EBF1: variants seen among roughly 807,000 people sequenced by gnomAD.
The protein encoded by EBF1 is EBF transcription factor 1.
In EBF1, 10 loss-of-function variants were observed where a neutral mutation model predicts 68.4. The observed-to-expected ratio is 0.15, with a 90% CI of 0.09 to 0.25. The LOEUF (loss-of-function observed/expected upper bound fraction) is 0.25, where lower values mean the gene tolerates loss of function less well. Among genes scored for constraint, EBF1 ranks in the 10% least tolerant of loss-of-function variants. The probability of loss-of-function intolerance (pLI) is 1.00; values close to 1 mark genes in which losing one functional copy is unlikely to be tolerated. For synonymous variants in EBF1, 298 were observed against 299.8 expected (o/e 0.99, Z 0.06); for missense variants, 509 against 794.4 (o/e 0.64, Z 4.32).
At chr5:158,718,557 T>C (rs926506162) in intron 11 of EBF1, among the ~76,000 whole-genome samples, 1 of 152,124 alleles carries the variant, frequency 6.6e-6, no homozygotes, top group African/African-American at 2.4e-5. Context: ...CAAGAACTCA[T>C]TCAACCTTCA....
chr5:159,038,376 G>A (rs937070591), intron 6 of EBF1, among the ~76,000 whole-genome samples: 10 of 152,174 alleles, frequency 6.6e-5, no homozygotes, highest in African/African-American at 2.4e-4. Context: ...ACCAATGAAA[G>A]AGACTTTTTA....
Position 159,099,341 on chromosome 5 carries a change from C to A in EBF1, c.134+4G>T. 6.3e-7 allele frequency: 1 copy of A among 1,579,936 alleles called. No individual in the cohort carries two copies. ...CTCGGCCGCGGTCCCCGCGCAGTACCCACCTCTGCGCCGCCGTGTTGGCGT... is the reference window on the plus strand; with the variant it reads ...CTCGGCCGCGGTCCCCGCGCAGTACACACCTCTGCGCCGCCGTGTTGGCGT... On this transcript the variant is annotated splice_donor_region_variant and intron_variant, in intron 1 of 15. Transcript: ENST00000313708.
intron 6 of EBF1, among the ~76,000 whole-genome samples, chr5:158,919,316 C>T (rs1033593002): frequency 2.0e-5 from 3 of 151,322 alleles, no homozygotes; most frequent in South Asian, 2.1e-4. Flanking sequence ...GCTTGGGTAA[C>T]ATGTGGTCTA....
intron 8 of EBF1, among the ~76,000 whole-genome samples, chr5:158,805,960 T>C (rs957248656): frequency 1.3e-5 from 2 of 149,698 alleles, no homozygotes; most frequent in African/African-American, 5.0e-5. Context: ...AGGAGGCATG[T>C]TTTTTTTTGC....
At chr5:158,812,560 C>G (rs534800750) in intron 8 of EBF1, among the ~76,000 whole-genome samples, 1 of 152,148 alleles carries the variant, frequency 6.6e-6, no homozygotes, top group African/African-American at 2.4e-5. Context: ...AGAGCCACCC[C>G]CTTCCGGAGG....
At chr5:158,805,504 G>A (rs1015607658) in intron 8 of EBF1, among the ~76,000 whole-genome samples, 2 of 152,066 alleles carry the variant, frequency 1.3e-5, no homozygotes, top group African/African-American at 2.4e-5. Context: ...ACCAAATTCA[G>A]CAATAAAAAC....
intron 4 of EBF1, among the ~76,000 whole-genome samples, chr5:159,090,120 C>A (rs144998169): frequency 5.3e-5 from 8 of 152,086 alleles, no homozygotes; most frequent in African/African-American, 1.4e-4. Flanking sequence ...AAACTGTCAA[C>A]AAGCCTTTGG....
At chr5:158,864,223 CAAAAAAAAAAAAA>C (rs34498854) in intron 6 of EBF1, among the ~76,000 whole-genome samples, 5 of 58,562 alleles carry the variant, frequency 8.5e-5, no homozygotes, top group Admixed American at 4.5e-4. Context: ...GACTCTGTCT[CAAAAAAAAAAAAA>C]AAAAAAAAAA....
chr5:159,075,470 A>G (rs1276943067), intron 5 of EBF1, among the ~76,000 whole-genome samples: 2 of 152,170 alleles, frequency 1.3e-5, no homozygotes, highest in Non-Finnish European at 2.9e-5. Context: ...TAGGCAATGC[A>G]AGCTGCCCAC....
intron 6 of EBF1, among the ~76,000 whole-genome samples, chr5:158,872,533 A>G (rs1217032725): frequency 6.6e-6 from 1 of 152,162 alleles, no homozygotes; most frequent in Non-Finnish European, 1.5e-5. Flanking sequence ...TGGTGATAGA[A>G]TGGAAGGAAA....
chr5:158,894,968 T>C (rs907075243), intron 6 of EBF1, among the ~76,000 whole-genome samples: 1 of 152,200 alleles, frequency 6.6e-6, no homozygotes, highest in Admixed American at 6.5e-5. Context: ...ATATATACTG[T>C]ATATTATGTA....
chr5:158,908,391 G>T (rs776780463), intron 6 of EBF1, among the ~76,000 whole-genome samples: 3 of 152,186 alleles, frequency 2.0e-5, no homozygotes, highest in Non-Finnish European at 4.4e-5. Context: ...TGGCTGAGGG[G>T]TGTCAATAAG....
At chr5:158,996,305 C>G (rs1430066061) in intron 6 of EBF1, among the ~76,000 whole-genome samples, 2 of 152,182 alleles carry the variant, frequency 1.3e-5, no homozygotes, top group Non-Finnish European at 2.9e-5. Context: ...CATGTAATGT[C>G]TTAATATACT....
chr5:158,734,691 C>A (rs1764813240), intron 10 of EBF1, among the ~76,000 whole-genome samples: 1 of 152,008 alleles, frequency 6.6e-6, no homozygotes, highest in Non-Finnish European at 1.5e-5. Flanking sequence ...ATTTTTTTCC[C>A]CCTCAAACTT....
intron 10 of EBF1, among the ~76,000 whole-genome samples, chr5:158,734,355 C>T (rs1764730128): frequency 6.6e-6 from 1 of 152,044 alleles, no homozygotes. Context: ...AAAGTAATGA[C>T]ATAAGAAACT....
At chr5:158,829,538 T>G (rs941083798) in intron 7 of EBF1, among the ~76,000 whole-genome samples, 19 of 151,428 alleles carry the variant, frequency 1.3e-4, no homozygotes, top group African/African-American at 4.6e-4. Flanking sequence ...AATTGTAACA[T>G]GTATCACACT....
intron 6 of EBF1, among the ~76,000 whole-genome samples, chr5:159,064,953 A>ATGTG (rs1776528971): frequency 9.4e-6 from 1 of 106,850 alleles, no homozygotes; most frequent in Non-Finnish European, 1.7e-5. Flanking sequence ...GCGTGTGTGT[A>ATGTG]TGTGCGTATG....
At chr5:159,001,640 T>C (rs1210716136) in intron 6 of EBF1, among the ~76,000 whole-genome samples, 2 of 152,222 alleles carry the variant, frequency 1.3e-5, no homozygotes, top group East Asian at 1.9e-4. Context: ...CTTGTCCTTT[T>C]TGGCCAACTT....
intron 6 of EBF1, among the ~76,000 whole-genome samples, chr5:158,970,104 A>G (rs1755310496): frequency 6.6e-6 from 1 of 152,074 alleles, no homozygotes. Flanking sequence ...TTTTGCTCTC[A>G]ATTTGGTCAA....
Sources: gnomAD v4.1 joint callset for allele counts (sites outside exome capture counted in the v4.1 genomes callset) on GRCh38, gnomAD v4.1.1 for gene constraint, MANE v1.5 for transcripts, NCBI Gene and HGNC (gene_info 2026-07-23, HGNC 2026-07-21) for gene names.